The following PLEKHG4 variants were observed in gnomAD, a reference collection of about 807,000 sequenced individuals.
PLEKHG4 encodes puratrophin-1.
In PLEKHG4, 85 loss-of-function variants were observed where a neutral mutation model predicts 136.9. That is an observed-to-expected ratio of 0.62 (90% CI 0.52 to 0.74). The LOEUF (loss-of-function observed/expected upper bound fraction) is 0.74. PLEKHG4 is among the 30% of genes least tolerant of loss of function. The pLI is 0.00. For missense variants in PLEKHG4, 1,317 were observed against 1,527.8 expected, an observed-to-expected ratio of 0.86 and a Z score of 2.30; for synonymous variants, 577 against 646.9, an observed-to-expected ratio of 0.89 and a Z score of 1.64.
At position 67,280,761 on chromosome 16, in the gene PLEKHG4, G is replaced by C. The variant is rs1485762164; in HGVS notation, c.550G>C (p.Asp184His). 1.9e-6 allele frequency: 3 copies of C among 1,613,992 alleles called. No individual in the cohort carries two copies. Among genetic ancestry groups the C allele is most frequent in the Non-Finnish European group, 8.5e-7 (1 of 1,180,038 alleles). ...PKPADCLLAQ[D>H]LCWELLASGM... ...GCCTGCTGACTGCCTCCTGGCCCAAGACCTCTGTTGGGAGCTGCTGGCCAG... is the reference window on the plus strand; with the variant it reads ...GCCTGCTGACTGCCTCCTGGCCCAACACCTCTGTTGGGAGCTGCTGGCCAG... The change falls in exon 3 of 22, where the codon GAC becomes CAC. Residue 184 changes from aspartate (D) to histidine (H), a missense_variant. Physicochemically the swap from Asp to His is moderately conservative, Grantham distance 81 (BLOSUM62 -1). Coordinates refer to ENST00000379344, the MANE Select transcript of PLEKHG4 (RefSeq NM_001129729.3). The surrounding 1 kb of genome is among the most constrained non-coding windows in gnomAD (Gnocchi z 4.4).
At chr16:67,288,690 C>G in intron 21 of PLEKHG4, 86 bp downstream of exon 21, 1 of 1,599,276 alleles carries the variant, frequency 6.3e-7, no homozygotes, top group Non-Finnish European at 8.6e-7. Context: ...CCAGCCCAGG[C>G]TAGGCCTTTA....
rs2036425933 is a variant in PLEKHG4 at position 67,285,442 on chromosome 16, A to C, written c.2348A>C (p.Glu783Ala). Residue 783 changes from glutamate to alanine, a missense_variant, in exon 14 of 22, where the codon GAG (glutamate) becomes GCG (alanine). By Grantham distance (107) the Glu-to-Ala change is moderately radical. Coordinates refer to ENST00000379344, the MANE Select transcript of PLEKHG4 (RefSeq NM_001129729.3). ...GQRAHLFGNL[E>A]KLRDFHCHFF... ...CGTGCCCACCTCTTTGGCAACCTGG[A>C]GAAGCTGCGGGACTTCCACTGCCAC... is the stretch of plus-strand genomic sequence containing the variant. 11 of 1,614,174 alleles carry C rather than the reference A, an allele frequency of 6.8e-6. No homozygotes were observed. The highest frequency in any genetic ancestry group is 9.3e-6 in the Non-Finnish European group (11 of 1,180,042).
In PLEKHG4 at chr16:67,280,849, A is replaced by G; in HGVS notation, c.596-33A>G. 1 of 1,613,474 alleles carries G rather than the reference A, an allele frequency of 6.2e-7. No homozygotes were observed. On this transcript the variant is annotated intron_variant, in intron 3 of 21. Coordinates refer to ENST00000379344, the MANE Select transcript of PLEKHG4 (RefSeq NM_001129729.3). The surrounding 1 kb of genome is among the most constrained non-coding windows in gnomAD (Gnocchi z 4.4). ...GAGGCGGTGGAGGTGGAGTGGCCCA[A>G]TACGGCAGGAGTTCACTGCTTCCTC...
Position 67,289,276 on chromosome 16 carries a change from G to A in PLEKHG4, c.*468G>A, listed in dbSNP as rs192023672. The A allele has an allele frequency of 1.5e-4, 64 of 413,154 alleles. No individual in the cohort carries two copies. Among genetic ancestry groups the A allele is most frequent in the Admixed American group, 4.5e-4 (11 of 24,456 alleles). The allele number at this position is 413,154 out of a possible 1,614,324, so 25.6% of individuals were successfully genotyped here. ...CCACCTCTACTGGGCCCTCATGCTT[G>A]CCTTTCCTGGCCCCCAGGCCCAGCC... is the stretch of plus-strand genomic sequence containing the variant. On this transcript the variant is annotated 3_prime_UTR_variant, in exon 22 of 22. Transcript: ENST00000379344.
chr16:67,281,872 A>T lies in PLEKHG4; in HGVS notation c.1005+35A>T, dbSNP rs777700734. On this transcript the variant is annotated intron_variant, in intron 7 of 21. Coordinates refer to ENST00000379344, the MANE Select transcript of PLEKHG4 (RefSeq NM_001129729.3). The stretch of plus-strand genomic sequence containing the variant: ...CTGGGTGGGGCATGGGGGCAGTCAT[A>T]TAGGCAACTTGGGATCATGGAGGAG... The T allele has an allele frequency of 3.2e-6, 5 of 1,581,470 alleles. No individual in the cohort carries two copies. In the South Asian group the frequency reaches 5.5e-5, roughly 17 times the overall value.
Position 67,280,021 on chromosome 16 carries a change from C to A in PLEKHG4, c.-24C>A. 1 of 1,609,322 alleles carries A rather than the reference C, an allele frequency of 6.2e-7. No individual in the cohort carries two copies. The highest frequency in any genetic ancestry group is 8.5e-7 in the Non-Finnish European group (1 of 1,177,466). ...CCAGCCCTCTCCCGCTGGCCCCGAG[C>A]AGGCCCACCTTTAGGAGGGCGTGAT... On this transcript the variant is annotated 5_prime_UTR_variant, in exon 2 of 22. Coordinates refer to ENST00000379344, the MANE Select transcript of PLEKHG4 (RefSeq NM_001129729.3). This position sits in a 1 kb window ranked among gnomAD's most constrained non-coding sequence, Gnocchi z 4.4.
intron 18 of PLEKHG4, 138 bp from the exon 19 acceptor site, chr16:67,287,760 G>A: frequency 1.4e-6 from 1 of 724,576 alleles, no homozygotes; most frequent in Non-Finnish European, 2.6e-6. Flanking sequence ...AGAGCACCTG[G>A]CACTAGAAAG....
At chr16:67,282,401 C>A in intron 9 of PLEKHG4, 52 bp downstream of exon 9, 7 of 1,612,138 alleles carry the variant, frequency 4.3e-6, no homozygotes, top group Non-Finnish European at 5.9e-6. Context: ...ATATTCTATG[C>A]CAGGACTCAT....
In PLEKHG4 at chr16:67,285,405, C is replaced by G; in HGVS notation, c.2311C>G (p.Leu771Val). Residue 771 changes from leucine (L) to valine (V), a missense_variant, in exon 14 of 22, where the codon CTC becomes GTC. Coordinates refer to ENST00000379344, the MANE Select transcript of PLEKHG4 (RefSeq NM_001129729.3). ...ELDRPDVPQG[L>V]RGQRAHLFGN... ...GGATCGCCCCGATGTGCCCCAGGGC[C>G]TCCGCGGTCAGCGTGCCCACCTCTT... The G allele has an allele frequency of 6.2e-7, 1 of 1,614,234 alleles. No individual in the cohort carries two copies. Among genetic ancestry groups the G allele is most frequent in the Non-Finnish European group, 8.5e-7 (1 of 1,180,044 alleles).
At position 67,286,363 on chromosome 16, in the gene PLEKHG4, G is replaced by A; in HGVS notation, c.2532G>A (p.Lys844=). The A allele has an allele frequency of 6.2e-7, 1 of 1,613,608 alleles. No individual in the cohort carries two copies. The change falls in exon 15 of 22, where the codon AAG becomes AAA. Residue 844 remains lysine (K), a splice_region_variant and synonymous_variant. Coordinates refer to ENST00000379344, the MANE Select transcript of PLEKHG4 (RefSeq NM_001129729.3). ...LMSSYGHTFF[K]DKQQALGDHL... is the part of the protein sequence containing the mutation. Reference sequence around the variant, plus strand: ...CAAGCTATGGGCACACCTTCTTCAAGGTAAGTGAACCTGAGATTAGGAGGA... The same window carrying A: ...CAAGCTATGGGCACACCTTCTTCAAAGTAAGTGAACCTGAGATTAGGAGGA...
Position 67,288,985 on chromosome 16 carries a change from T to G in PLEKHG4, c.*177T>G, listed in dbSNP as rs2036621516. On this transcript the variant is annotated 3_prime_UTR_variant, in exon 22 of 22. Transcript: ENST00000379344. ...CCATTGGACTAACTGGCACGGGGCCTCTCTAGGGAAGTCTGGTTGTAGAGC... is the reference window on the plus strand; with the variant it reads ...CCATTGGACTAACTGGCACGGGGCCGCTCTAGGGAAGTCTGGTTGTAGAGC... 1 of 750,594 alleles carries G rather than the reference T, an allele frequency of 1.3e-6. No homozygotes were observed. Among genetic ancestry groups the G allele is most frequent in the African/African-American group, 1.7e-5 (1 of 58,194 alleles). 46.5% of individuals were successfully genotyped at this position (750,594 alleles called of 1,614,324 possible).
chr16:67,282,312 C>G lies in PLEKHG4; in HGVS notation c.1216C>G (p.Gln406Glu). The G allele has an allele frequency of 6.2e-7, 1 of 1,613,044 alleles. No individual in the cohort carries two copies. Among genetic ancestry groups the G allele is most frequent in the Non-Finnish European group, 8.5e-7 (1 of 1,179,928 alleles). The change falls in exon 9 of 22, where the codon CAA becomes GAA. Residue 406 changes from glutamine (Q) to glutamate (E), a missense_variant. Coordinates refer to ENST00000379344, the MANE Select transcript of PLEKHG4 (RefSeq NM_001129729.3). ...GGGCCGGGAGCTGACATGGCTGAAG[C>G]AAGAGGTCCCAGAGGTGACCCTGAG... ...QGGRELTWLKQEVPEVTLSPD... is the reference protein window; with the variant it reads ...QGGRELTWLKEEVPEVTLSPD...
rs1332779928 is a variant in PLEKHG4, at chr16:67,289,184, TG to T, written c.*379del. On this transcript the variant is annotated 3_prime_UTR_variant, in exon 22 of 22. Coordinates refer to ENST00000379344, the MANE Select transcript of PLEKHG4 (RefSeq NM_001129729.3). The stretch of plus-strand genomic sequence containing the variant: ...CCCCACCCCTCAGGAAGAACACAGG[TG>T]GGCTCCTAGCAGCTGATCCCCAATG... The T allele has an allele frequency of 2.2e-6, 1 of 456,636 alleles. No homozygotes were observed. The highest frequency in any genetic ancestry group is 4.0e-6 in the Non-Finnish European group (1 of 249,346). 28.3% of individuals were successfully genotyped at this position (456,636 alleles called of 1,614,324 possible).
rs1180146499 is a variant in PLEKHG4 at position 67,287,185 on chromosome 16, C to T, written c.3103+8C>T. ...AGGCCGTCCACAACAAGGGTGGGTC[C>T]ATGCCCCTCCTTCACGCCACACTCC... On this transcript the variant is annotated splice_region_variant and intron_variant, in intron 18 of 21. Transcript: ENST00000379344. The T allele has an allele frequency of 1.2e-6, 2 of 1,604,572 alleles. No homozygotes were observed. The highest frequency in any genetic ancestry group is 1.3e-5 in the African/African-American group (1 of 75,060).
rs779926696 is a variant in PLEKHG4 at position 67,282,206 on chromosome 16, C to T, written c.1110C>T (p.Val370=). ...CTTATTGCCCTCAATCACAGGAGGTCGGTCAGCTGCTACAGCAGACAGAGG... is the reference window on the plus strand; with the variant it reads ...CTTATTGCCCTCAATCACAGGAGGTTGGTCAGCTGCTACAGCAGACAGAGG... The part of the protein sequence containing the change: ...AVPQPMEPGE[V]GQLLQQTEVL... Residue 370 remains valine (V), a synonymous_variant, in exon 9 of 22, where the codon GTC becomes GTT. Transcript: ENST00000379344. 2.4e-5 allele frequency: 38 copies of T among 1,613,586 alleles called. No homozygotes were observed. In the South Asian group the frequency reaches 2.5e-4, roughly 11 times the overall value.
At position 67,284,651 on chromosome 16, in the gene PLEKHG4, C is replaced by T; in HGVS notation, c.1693-62C>T. The T allele has an allele frequency of 6.3e-7, 1 of 1,589,860 alleles. No individual in the cohort carries two copies. The highest frequency in any genetic ancestry group is 1.7e-5 in the Admixed American group (1 of 58,054). ...TGGGGATGGGGAGTGGGTAGAGGAGCAGAGTGCCCAGCAGGCTTGGCAGGA... is the reference window on the plus strand; with the variant it reads ...TGGGGATGGGGAGTGGGTAGAGGAGTAGAGTGCCCAGCAGGCTTGGCAGGA... On this transcript the variant is annotated intron_variant, in intron 12 of 21. Coordinates refer to ENST00000379344, the MANE Select transcript of PLEKHG4 (RefSeq NM_001129729.3). The surrounding 1 kb of genome is among the most constrained non-coding windows in gnomAD (Gnocchi z 4.4).
Position 67,281,846 on chromosome 16 carries a change from A to G in PLEKHG4, c.1005+9A>G. The stretch of plus-strand genomic sequence containing the variant: ...GGCTGGATTTCCGAAGGGTCAGTAC[A>G]CTGGGTGGGGCATGGGGGCAGTCAT... On this transcript the variant is annotated intron_variant, in intron 7 of 21. Coordinates refer to ENST00000379344, the MANE Select transcript of PLEKHG4 (RefSeq NM_001129729.3). The G allele has an allele frequency of 1.9e-6, 3 of 1,607,672 alleles. No individual in the cohort carries two copies.
chr16:67,279,840 C>G (rs2036129114), intron 1 of PLEKHG4, 36 bp from the exon 2 acceptor site: 1 of 599,376 alleles, frequency 1.7e-6, no homozygotes, highest in Non-Finnish European at 2.9e-6. Context: ...GGGACCTGGA[C>G]AGAGGGACAC....
At chr16:67,279,745 C>A (rs9938464) in intron 1 of PLEKHG4, 119 bp downstream of exon 1, 7,837 of 324,222 alleles carry the variant, frequency 0.024, 556 homozygotes, top group African/African-American at 0.15. Context: ...CGGGGCCGCC[C>A]CCACGGGCAT....
Sources: allele counts gnomAD v4.1 joint callset, GRCh38; gene constraint gnomAD v4.1.1; non-coding constraint Gnocchi (gnomAD v3.1); transcripts MANE v1.5; gene names NCBI Gene and HGNC (gene_info 2026-07-23, HGNC 2026-07-21).